The following TIAM2 variants were observed in gnomAD, a reference collection of about 807,000 sequenced individuals.
TIAM2 encodes the protein rho guanine nucleotide exchange factor TIAM2.
A neutral mutation model predicts 152.9 loss-of-function variants in TIAM2; 80 were observed. The ratio of observed to expected loss-of-function variants is 0.52; its 90% CI spans 0.44 to 0.63. TIAM2 has a LOEUF of 0.63. TIAM2 is among the 30% of genes least tolerant of loss of function. The pLI is 0.00. For missense variants in TIAM2, 1,965 were observed against 2,120.1 expected, an observed-to-expected ratio of 0.93 and a Z score of 1.44; for synonymous variants, 804 against 838.0, an observed-to-expected ratio of 0.96 and a Z score of 0.70.
chr6:155,044,440 A>C (rs76942860), intron 1 of TIAM2, among the ~76,000 whole-genome samples: 10,013 of 152,284 alleles, frequency 0.066, 726 homozygotes, highest in African/African-American at 0.18. Context: ...ACCCTGTCTG[A>C]ACATCTTTGG....
chr6:155,051,514 A>T (rs1165872764), intron 1 of TIAM2, among the ~76,000 whole-genome samples: 1 of 152,178 alleles, frequency 6.6e-6, no homozygotes, highest in Non-Finnish European at 1.5e-5. Context: ...GTTAATAATG[A>T]GTAGGCCAGG....
At chr6:155,003,089 G>A (rs961482101) in intron 1 of TIAM2, among the ~76,000 whole-genome samples, 4 of 152,120 alleles carry the variant, frequency 2.6e-5, no homozygotes, top group Non-Finnish European at 4.4e-5. Flanking sequence ...AGTGTTCATT[G>A]AAATTGTTTT....
In TIAM2 at chr6:155,257,165, T is replaced by C; in HGVS notation, c.*44T>C. 3 of 1,392,312 alleles carry C rather than the reference T, an allele frequency of 2.2e-6. No individual in the cohort carries two copies. The highest frequency in any genetic ancestry group is 3.0e-6 in the Non-Finnish European group (3 of 1,005,646). 86.2% of individuals were successfully genotyped at this position (1,392,312 alleles called of 1,614,324 possible). On this transcript the variant is annotated 3_prime_UTR_variant, in exon 27 of 27. Coordinates refer to ENST00000682666, the MANE Select transcript of TIAM2 (RefSeq NM_012454.4). Reference sequence around the variant, plus strand: ...TGGGTTAAATTCCTCATTTTACTTTTAAACTGGTGGTAAAGTGGAAATTGC... The same window carrying C: ...TGGGTTAAATTCCTCATTTTACTTTCAAACTGGTGGTAAAGTGGAAATTGC...
chr6:155,034,113 C>G (rs1288094938), intron 1 of TIAM2, among the ~76,000 whole-genome samples: 1 of 151,996 alleles, frequency 6.6e-6, no homozygotes, highest in Non-Finnish European at 1.5e-5. Flanking sequence ...GTGAGGTTCT[C>G]CCTAGGGTGC....
chr6:155,129,064 C>T lies in TIAM2; in HGVS notation c.-6-154C>T, dbSNP rs114219001. The T allele has an allele frequency of 2.1e-5, 14 of 653,952 alleles. No homozygotes were observed. The African/African-American group carries it at 2.6e-4, about 12-fold the overall frequency. 40.5% of individuals were successfully genotyped at this position (653,952 alleles called of 1,614,324 possible). A position where few individuals can be genotyped will look rare whatever the true frequency, so the allele number is the denominator to read the frequency against. ...AGCAGCCTTGCAAAATAAGGAGAGC[C>T]TGTTCTACTGACTGACTCTTGTCCC... is the stretch of plus-strand genomic sequence containing the variant. On this transcript the variant is annotated intron_variant, in intron 3 of 26. Coordinates refer to ENST00000682666, the MANE Select transcript of TIAM2 (RefSeq NM_012454.4). This position sits in a 1 kb window ranked among gnomAD's most constrained non-coding sequence, Gnocchi z 4.8.
In TIAM2 at chr6:155,232,035, C is replaced by T. The variant is rs1050230524; in HGVS notation, c.3169-8495C>T. Among the ~76,000 whole-genome samples, 3 of 152,124 alleles carry T rather than the reference C, an allele frequency of 2.0e-5. No individual in the cohort carries two copies. The East Asian group carries it at 5.8e-4, about 29-fold the overall frequency. On this transcript the variant is annotated intron_variant, in intron 15 of 26. Transcript: ENST00000682666. Reference sequence around the variant, plus strand: ...GGCAGACATTGCACTGAGCCGAGATCGTGCCACTGCACTCCCGCCTGGGTG... The same window carrying T: ...GGCAGACATTGCACTGAGCCGAGATTGTGCCACTGCACTCCCGCCTGGGTG...
At chr6:155,029,431 GTATATATTATACTATAGTATATAT>G (rs1776751383) in intron 1 of TIAM2, among the ~76,000 whole-genome samples, 1 of 5,704 alleles carries the variant, frequency 1.8e-4, no homozygotes, top group African/African-American at 5.2e-4. Flanking sequence ...ATATACTATA[GTATATATTATACTATAGTATATAT>G]TATATATAAT....
chr6:155,179,047 G>GT lies in TIAM2; in HGVS notation c.2534dup (p.Leu845PhefsTer16). The GT allele has an allele frequency of 6.2e-7, 1 of 1,613,624 alleles. No individual in the cohort carries two copies. The highest frequency in any genetic ancestry group is 8.5e-7 in the Non-Finnish European group (1 of 1,179,680). ...TGTCTTTTTCTTTATAGATGAGGCA[G>GT]TTGGAACCCAGCCATTATGGCCTAC... On this transcript the variant is annotated frameshift_variant, in exon 11 of 27. Coordinates refer to ENST00000682666, the MANE Select transcript of TIAM2 (RefSeq NM_012454.4). LOFTEE classifies it high-confidence loss of function.
rs914691149 is a variant in TIAM2 at position 155,049,194 on chromosome 6, G to A, written c.-208-41095G>A. 5.9e-5 allele frequency among the ~76,000 whole-genome samples: 9 copies of A among 152,216 alleles called. No individual in the cohort carries two copies. The South Asian group carries it at 6.2e-4, about 11-fold the overall frequency. On this transcript the variant is annotated intron_variant, in intron 1 of 26. Transcript: ENST00000682666. Reference sequence around the variant, plus strand: ...GAACCTAGCTACCAAATGCACATGCGGAAGTGGGCTGGGGCCTTTTATCAT... The same window carrying A: ...GAACCTAGCTACCAAATGCACATGCAGAAGTGGGCTGGGGCCTTTTATCAT...
Position 155,120,259 on chromosome 6 carries a change from A to G in TIAM2, c.-117-7231A>G, listed in dbSNP as rs144495804. ...TCTATCCATTCATCTGTTAATATGC[A>G]TTTGGAAGGAGTCCCGCTGAATTCA... On this transcript the variant is annotated intron_variant, in intron 2 of 26. Transcript: ENST00000682666. 4.0e-3 allele frequency among the ~76,000 whole-genome samples: 607 copies of G among 152,342 alleles called. 6 individuals carry two copies. Among genetic ancestry groups the G allele is most frequent in the African/African-American group, 0.013 (539 of 41,586 alleles).
intron 1 of TIAM2, among the ~76,000 whole-genome samples, chr6:155,009,063 C>T (rs1333943714): frequency 6.9e-6 from 1 of 144,536 alleles, no homozygotes; most frequent in Non-Finnish European, 1.5e-5. Flanking sequence ...ATCTCTGGGT[C>T]CTGTCCTCTG....
At chr6:155,048,103 C>T (rs976233702) in intron 1 of TIAM2, among the ~76,000 whole-genome samples, 9 of 152,022 alleles carry the variant, frequency 5.9e-5, no homozygotes, top group African/African-American at 2.2e-4. Flanking sequence ...CAGGCATGTG[C>T]CACCATAGCC....
chr6:155,065,419 G>A (rs2114944683), intron 1 of TIAM2, among the ~76,000 whole-genome samples: 1 of 152,106 alleles, frequency 6.6e-6, no homozygotes, highest in African/African-American at 2.4e-5. Context: ...AATACAAAAG[G>A]ATAACTTCCT....
At position 155,094,371 on chromosome 6, in the gene TIAM2, C is replaced by T. The variant is rs1562313938; in HGVS notation, c.-118+3992C>T. Among the ~76,000 whole-genome samples the T allele has an allele frequency of 3.3e-5, 5 of 151,978 alleles. No individual in the cohort carries two copies. In the South Asian group the frequency reaches 1.0e-3, roughly 32 times the overall value. On this transcript the variant is annotated intron_variant, in intron 2 of 26. Coordinates refer to ENST00000682666, the MANE Select transcript of TIAM2 (RefSeq NM_012454.4). ...ACTGAAACAGTTATTTTTTCAATGT[C>T]CATAGTAGTAATGGAAAAACTAAAG...
chr6:155,097,578 C>T (rs1308285944), intron 2 of TIAM2, among the ~76,000 whole-genome samples: 4 of 152,158 alleles, frequency 2.6e-5, no homozygotes, highest in East Asian at 1.9e-4. Flanking sequence ...TGGCCTCAAG[C>T]GATCCTCCTG....
chr6:155,132,992 A>AC (rs1253953347), intron 4 of TIAM2, among the ~76,000 whole-genome samples: 2 of 152,194 alleles, frequency 1.3e-5, no homozygotes, highest in East Asian at 3.9e-4. Context: ...ACCCACGGGA[A>AC]CTGGGTCTCC....
intron 2 of TIAM2, among the ~76,000 whole-genome samples, chr6:155,104,975 G>A (rs116071809): frequency 0.028 from 4,189 of 152,018 alleles, 64 homozygotes; most frequent in Non-Finnish European, 0.04. Context: ...TTTTTCTTTT[G>A]AGATAGGGTC....
At chr6:155,061,970 C>T (rs1777589209) in intron 1 of TIAM2, among the ~76,000 whole-genome samples, 1 of 152,144 alleles carries the variant, frequency 6.6e-6, no homozygotes, top group Non-Finnish European at 1.5e-5. Flanking sequence ...GTGTAGTTCC[C>T]TCACTGATTT....
At chr6:155,187,322 G>T (rs1781063318) in intron 14 of TIAM2, among the ~76,000 whole-genome samples, 1 of 152,110 alleles carries the variant, frequency 6.6e-6, no homozygotes, top group South Asian at 2.1e-4. Context: ...AGTCACAGTG[G>T]CAGGTCCCAG....
Sources: gnomAD v4.1 joint callset for allele counts (sites outside exome capture counted in the v4.1 genomes callset) on GRCh38, gnomAD v4.1.1 for gene constraint, Gnocchi (gnomAD v3.1) non-coding constraint, MANE v1.5 for transcripts, NCBI Gene and HGNC (gene_info 2026-07-23, HGNC 2026-07-21) for gene names.